GAS2: variants seen among roughly 807,000 people sequenced by gnomAD.
The protein encoded by GAS2 is growth arrest-specific protein 2.
Under a neutral mutation model 37.5 loss-of-function variants are expected in GAS2, and 20 were observed. The ratio of observed to expected loss-of-function variants is 0.53; its 90% CI spans 0.37 to 0.77. The LOEUF is 0.77. Among genes scored for constraint, GAS2 ranks in the 30% least tolerant of loss-of-function variants. The probability of loss-of-function intolerance (pLI) is 0.00; values close to 1 mark genes in which losing one functional copy is unlikely to be tolerated. For synonymous variants in GAS2, 144 were observed against 132.2 expected, an observed-to-expected ratio of 1.09 and a Z score of -0.61; for missense variants, 336 against 373.4, an observed-to-expected ratio of 0.90 and a Z score of 0.82.
chr11:22,660,079 T>C (rs958493066), intron 1 of GAS2, among the ~76,000 whole-genome samples: 8 of 152,196 alleles, frequency 5.3e-5, no homozygotes, highest in African/African-American at 1.9e-4. Context: ...GCTTAATAGA[T>C]GTGTGTCATT....
At chr11:22,648,068 A>T (rs575007542) in intron 1 of GAS2, among the ~76,000 whole-genome samples, 16 of 152,304 alleles carry the variant, frequency 1.1e-4, no homozygotes, top group African/African-American at 3.9e-4. Flanking sequence ...TCTAACGTTT[A>T]AGTCTTCAAT....
At chr11:22,628,447 C>G (rs778664023) in intron 1 of GAS2, among the ~76,000 whole-genome samples, 7 of 152,158 alleles carry the variant, frequency 4.6e-5, no homozygotes, top group Non-Finnish European at 7.4e-5. Context: ...ATACCAGGAA[C>G]AATCTCCCTC....
At chr11:22,713,206 A>G (rs544794352) in intron 3 of GAS2, among the ~76,000 whole-genome samples, 6 of 152,146 alleles carry the variant, frequency 3.9e-5, no homozygotes, top group African/African-American at 1.4e-4. Context: ...ACTTAGAGAA[A>G]TGCAAAATAC....
At chr11:22,749,285 T>A in intron 6 of GAS2, 24 bp downstream of exon 6, 1 of 1,602,906 alleles carries the variant, frequency 6.2e-7, no homozygotes. Context: ...GTCAGACTTC[T>A]TACCAACGGT....
chr11:22,745,035 A>G (rs181190795), intron 5 of GAS2, among the ~76,000 whole-genome samples: 3 of 151,822 alleles, frequency 2.0e-5, no homozygotes, highest in African/African-American at 7.3e-5. Flanking sequence ...AAAGCAATCT[A>G]TAAATTCCAC....
At chr11:22,760,743 T>C (rs1854350212) in intron 7 of GAS2, among the ~76,000 whole-genome samples, 1 of 152,208 alleles carries the variant, frequency 6.6e-6, no homozygotes, top group Non-Finnish European at 1.5e-5. Flanking sequence ...TTTTTATTTG[T>C]CAAGGACACA....
chr11:22,649,410 A>G (rs1280214982), intron 1 of GAS2, among the ~76,000 whole-genome samples: 11 of 152,124 alleles, frequency 7.2e-5, no homozygotes, highest in Non-Finnish European at 1.6e-4. Flanking sequence ...CGGCTTTGGT[A>G]TCAGGATGAT....
Position 22,674,516 on chromosome 11 carries a change from G to A in GAS2, c.-20-334G>A, listed in dbSNP as rs1849338496. Among the ~76,000 whole-genome samples the A allele has an allele frequency of 2.6e-5, 4 of 152,224 alleles. No homozygotes were observed. In the South Asian group the frequency reaches 8.3e-4, roughly 32 times the overall value. ...CCCAAACAATGGGAGTTAACAAATT[G>A]GGCACTAACATTTTAACTTTTTCTC... On this transcript the variant is annotated intron_variant, in intron 1 of 7. Transcript: ENST00000454584.
intron 2 of GAS2, among the ~76,000 whole-genome samples, chr11:22,680,004 T>C (rs426344): frequency 0.92 from 140,641 of 152,088 alleles, 65,377 homozygotes; most frequent in South Asian, 0.99. Flanking sequence ...TCATTTTTTT[T>C]AGTTATTCTT....
chr11:22,798,724 C>T (rs1856537283), intron 7 of GAS2, among the ~76,000 whole-genome samples: 1 of 151,992 alleles, frequency 6.6e-6, no homozygotes, highest in Non-Finnish European at 1.5e-5. Context: ...CTTTAAGTGT[C>T]ATTTGTTATT....
intron 7 of GAS2, among the ~76,000 whole-genome samples, chr11:22,799,980 T>C (rs560442305): frequency 3.9e-5 from 6 of 152,174 alleles, no homozygotes; most frequent in South Asian, 2.1e-4. Context: ...ATTCTCTGCA[T>C]GTATAAAGGC....
chr11:22,655,487 C>T (rs761482603), intron 1 of GAS2, among the ~76,000 whole-genome samples: 170 of 152,226 alleles, frequency 1.1e-3, no homozygotes, highest in Non-Finnish European at 1.6e-3. Context: ...TCAGAATCTC[C>T]ATCTACTCTT....
chr11:22,764,649 C>T (rs1029337522), intron 7 of GAS2, among the ~76,000 whole-genome samples: 3 of 151,814 alleles, frequency 2.0e-5, no homozygotes, highest in South Asian at 2.1e-4. Context: ...AGACAAAATC[C>T]GCAAATACTT....
At chr11:22,635,039 G>C (rs549573221) in intron 1 of GAS2, among the ~76,000 whole-genome samples, 8 of 152,284 alleles carry the variant, frequency 5.3e-5, no homozygotes, top group South Asian at 4.1e-4. Flanking sequence ...GTGTCAGTTG[G>C]CCTCCAGCCA....
chr11:22,719,425 T>C (rs1590704450), intron 3 of GAS2, among the ~76,000 whole-genome samples: 2 of 152,082 alleles, frequency 1.3e-5, no homozygotes, highest in East Asian at 3.8e-4. Flanking sequence ...ACAGCAAAAT[T>C]GAGTGGAAAG....
chr11:22,674,720 G>A (rs1849346358), intron 1 of GAS2, 130 bp from the exon 2 acceptor site: 1 of 641,098 alleles, frequency 1.6e-6, no homozygotes, highest in South Asian at 2.8e-5. Context: ...AGTGTTTCAT[G>A]GGGTTAATAA....
intron 6 of GAS2, among the ~76,000 whole-genome samples, chr11:22,752,200 T>G (rs2134308187): frequency 6.6e-6 from 1 of 152,148 alleles, no homozygotes; most frequent in Middle Eastern, 3.4e-3. Context: ...GTGATAAACT[T>G]TGGCATATCA....
chr11:22,694,402 A>G (rs1244372833), intron 3 of GAS2, among the ~76,000 whole-genome samples: 4 of 152,184 alleles, frequency 2.6e-5, no homozygotes, highest in Non-Finnish European at 4.4e-5. Context: ...GCTCATTTCA[A>G]TAACAGCTCC....
chr11:22,786,593 C>T (rs761244784), intron 7 of GAS2, among the ~76,000 whole-genome samples: 2 of 152,084 alleles, frequency 1.3e-5, no homozygotes, highest in Admixed American at 6.5e-5. Context: ...AGAAGATAAT[C>T]GGCAATGTAG....
Sources: gnomAD v4.1 joint callset for allele counts (sites outside exome capture counted in the v4.1 genomes callset) on GRCh38, gnomAD v4.1.1 for gene constraint, MANE v1.5 for transcripts, NCBI Gene and HGNC (gene_info 2026-07-23, HGNC 2026-07-21) for gene names.